C8orf34: variants seen among roughly 807,000 people sequenced by gnomAD.
The protein encoded by C8orf34 is uncharacterized protein C8orf34.
Under a neutral mutation model 68.3 loss-of-function variants are expected in C8orf34, and 65 were observed. The observed-to-expected ratio is 0.95, with a 90% confidence interval of 0.78 to 1.17. The LOEUF (loss-of-function observed/expected upper bound fraction) is 1.17. Ranked by LOEUF, C8orf34 falls within the 50% of genes most tolerant of loss-of-function variation. The pLI is 0.00. For synonymous variants in C8orf34, 244 were observed against 241.2 expected (o/e 1.01, Z -0.11); for missense variants, 664 against 655.4 (o/e 1.01, Z -0.14).
At chr8:68,686,116 A>G (rs1820510450) in intron 8 of C8orf34, among the ~76,000 whole-genome samples, 1 of 152,110 alleles carries the variant, frequency 6.6e-6, no homozygotes, top group African/African-American at 2.4e-5. Context: ...ACAAGCAGTA[A>G]GATTGAATCA....
intron 1 of C8orf34, among the ~76,000 whole-genome samples, chr8:68,409,537 T>A (rs2129622014): frequency 1.3e-5 from 2 of 152,354 alleles, no homozygotes; most frequent in South Asian, 4.1e-4. Flanking sequence ...CTCTACAATC[T>A]GTTTCTAAGC....
intron 7 of C8orf34, among the ~76,000 whole-genome samples, chr8:68,545,189 C>T (rs1815834090): frequency 6.6e-6 from 1 of 152,078 alleles, no homozygotes; most frequent in South Asian, 2.1e-4. Context: ...CGGTTTTCCC[C>T]ATACTGTTCC....
chr8:68,681,679 A>T (rs1820375780), intron 8 of C8orf34, among the ~76,000 whole-genome samples: 1 of 152,170 alleles, frequency 6.6e-6, no homozygotes, highest in Admixed American at 6.6e-5. Context: ...ACCCCCTCAC[A>T]AAAAGGAAAT....
chr8:68,741,954 ATCTATCCAACAT>A (rs770539610), intron 10 of C8orf34, among the ~76,000 whole-genome samples: 8 of 152,180 alleles, frequency 5.3e-5, no homozygotes, highest in African/African-American at 7.2e-5. Flanking sequence ...GACATAACCA[ATCTATCCAACAT>A]TCTATCCAAC....
intron 2 of C8orf34, among the ~76,000 whole-genome samples, chr8:68,443,195 G>A (rs530185482): frequency 2.0e-5 from 3 of 152,210 alleles, no homozygotes; most frequent in Admixed American, 6.5e-5. Context: ...GATATTTGAG[G>A]ATGGAAGAGT....
chr8:68,582,844 T>C lies in C8orf34; in HGVS notation c.1105+49695T>C, dbSNP rs1817105927. ...ACACCCAACTTGGACTTACATAGCATCTTCAACTAAAACAAGGAAAGGCTG... is the reference window on the plus strand; with the variant it reads ...ACACCCAACTTGGACTTACATAGCACCTTCAACTAAAACAAGGAAAGGCTG... On this transcript the variant is annotated intron_variant, in intron 7 of 13. Transcript: ENST00000518698. Among the ~76,000 whole-genome samples the C allele has an allele frequency of 2.0e-5, 3 of 152,056 alleles. No individual in the cohort carries two copies. The South Asian group carries it at 6.2e-4, about 32-fold the overall frequency.
intron 10 of C8orf34, among the ~76,000 whole-genome samples, chr8:68,751,166 C>T (rs968309211): frequency 3.3e-5 from 5 of 152,082 alleles, no homozygotes; most frequent in South Asian, 2.1e-4. Flanking sequence ...TTGTGTTTAA[C>T]GCTAGTGGAC....
chr8:68,465,585 A>G (rs1343421974), intron 3 of C8orf34, among the ~76,000 whole-genome samples: 2 of 152,204 alleles, frequency 1.3e-5, no homozygotes, highest in Non-Finnish European at 2.9e-5. Context: ...GTTTAAGAAA[A>G]TGTGGCACAT....
chr8:68,763,996 C>T (rs1163979620), intron 10 of C8orf34, among the ~76,000 whole-genome samples: 2 of 152,184 alleles, frequency 1.3e-5, no homozygotes, highest in Non-Finnish European at 2.9e-5. Flanking sequence ...AGATCCCAAG[C>T]CTGCTCTCTG....
At chr8:68,582,826 A>G (rs1389453419) in intron 7 of C8orf34, among the ~76,000 whole-genome samples, 1 of 152,100 alleles carries the variant, frequency 6.6e-6, no homozygotes, top group Non-Finnish European at 1.5e-5. Context: ...GAGACACCCA[A>G]CTTGGACTTA....
intron 1 of C8orf34, among the ~76,000 whole-genome samples, chr8:68,390,186 G>T (rs1314638457): frequency 6.6e-6 from 1 of 152,160 alleles, no homozygotes; most frequent in Non-Finnish European, 1.5e-5. Context: ...CTTAATTGGG[G>T]CTGAAGGACG....
intron 12 of C8orf34, among the ~76,000 whole-genome samples, chr8:68,794,967 T>G (rs1824134314): frequency 1.3e-5 from 2 of 152,200 alleles, no homozygotes; most frequent in Admixed American, 1.3e-4. Flanking sequence ...ATATGTATAT[T>G]CATATACTCT....
intron 1 of C8orf34, among the ~76,000 whole-genome samples, chr8:68,369,773 G>T (rs143614357): frequency 6.6e-6 from 1 of 152,190 alleles, no homozygotes; most frequent in Non-Finnish European, 1.5e-5. Flanking sequence ...GCCCCCAGGG[G>T]TCTGCACTGT....
intron 7 of C8orf34, among the ~76,000 whole-genome samples, chr8:68,566,057 A>G (rs1342948811): frequency 6.6e-6 from 1 of 152,166 alleles, no homozygotes; most frequent in Non-Finnish European, 1.5e-5. Flanking sequence ...TTATATTTTT[A>G]TTTCCTATGT....
chr8:68,666,855 A>G (rs2130828220), intron 8 of C8orf34, among the ~76,000 whole-genome samples: 1 of 152,296 alleles, frequency 6.6e-6, no homozygotes, highest in East Asian at 1.9e-4. Context: ...TGTGGCTTAA[A>G]TTTGATCAGC....
At chr8:68,548,510 A>G (rs1223972702) in intron 7 of C8orf34, among the ~76,000 whole-genome samples, 1 of 151,826 alleles carries the variant, frequency 6.6e-6, no homozygotes. Context: ...AGAATTGGTA[A>G]AATGAAAGAT....
intron 7 of C8orf34, among the ~76,000 whole-genome samples, chr8:68,599,727 A>T (rs1817644071): frequency 2.0e-5 from 3 of 152,100 alleles, no homozygotes; most frequent in Non-Finnish European, 4.4e-5. Context: ...GGTTTTGGAG[A>T]AAACAAAGAT....
chr8:68,785,128 T>TG (rs1425629181), intron 11 of C8orf34, among the ~76,000 whole-genome samples: 4 of 151,784 alleles, frequency 2.6e-5, no homozygotes, highest in Non-Finnish European at 5.9e-5. Context: ...GAGGATCACT[T>TG]GGGCCCTGGA....
chr8:68,559,572 A>AC (rs374775444), intron 7 of C8orf34, among the ~76,000 whole-genome samples: 47 of 152,284 alleles, frequency 3.1e-4, no homozygotes, highest in African/African-American at 1.0e-3. Context: ...TGGCAAAAAA[A>AC]CATTTTCTTT....
Sources: allele counts gnomAD v4.1 joint callset (sites outside exome capture counted in the v4.1 genomes callset), GRCh38; gene constraint gnomAD v4.1.1; transcripts MANE v1.5; gene names NCBI Gene and HGNC (gene_info 2026-07-23, HGNC 2026-07-21).